The following SRPRA variants were observed in gnomAD, a reference collection of about 807,000 sequenced individuals.
SRPRA encodes SRP receptor subunit alpha, also known as signal recognition particle receptor subunit alpha.
In SRPRA, 30 loss-of-function variants were observed where a neutral mutation model predicts 61.1. The ratio of observed to expected loss-of-function variants is 0.49; its 90% CI spans 0.37 to 0.67. SRPRA has a LOEUF of 0.67. Ranked by LOEUF, SRPRA falls within the 30% of genes least tolerant of loss-of-function variation. The probability of loss-of-function intolerance (pLI) is 0.00; values close to 1 mark genes in which losing one functional copy is unlikely to be tolerated. For synonymous variants in SRPRA, 324 were observed against 299.7 expected, an observed-to-expected ratio of 1.08 and a Z score of -0.84; for missense variants, 759 against 828.4, an observed-to-expected ratio of 0.92 and a Z score of 1.03.
downstream of SRPRA, chr11:126,261,336 A>G (rs1950693348): frequency 7.8e-6 from 8 of 1,022,908 alleles, no homozygotes; most frequent in East Asian, 2.4e-5. Context: ...CAGTCGTACC[A>G]TATGTCCTCA....
the SRPRA span, among the ~76,000 whole-genome samples, chr11:126,243,187 A>G: frequency 6.6e-6 from 1 of 152,248 alleles, no homozygotes; most frequent in African/African-American, 2.4e-5. Flanking sequence ...ATTGCTTGAC[A>G]GGGCTAGAGG....
intron 7 of SRPRA, 49 bp downstream of exon 7, chr11:126,266,138 T>TA: frequency 4.3e-6 from 7 of 1,612,994 alleles, no homozygotes; most frequent in Non-Finnish European, 5.9e-6. Flanking sequence ...AGTTGTATCT[T>TA]ACCAGTTTTG....
the SRPRA span, among the ~76,000 whole-genome samples, chr11:126,244,124 A>G: frequency 6.6e-6 from 1 of 152,056 alleles, no homozygotes; most frequent in Non-Finnish European, 1.5e-5. This position sits in a 1 kb window ranked among gnomAD's most constrained non-coding sequence, Gnocchi z 4.5. Flanking sequence ...TATATGAAAA[A>G]CTCACAGTTA....
At position 126,264,110 on chromosome 11, in the gene SRPRA, G is replaced by A; in HGVS notation, c.1789-66C>T. The A allele has an allele frequency of 3.7e-6, 6 of 1,612,902 alleles. No individual in the cohort carries two copies. The highest frequency in any genetic ancestry group is 5.1e-6 in the Non-Finnish European group (6 of 1,179,230). On this transcript the variant is annotated intron_variant, in intron 13 of 13. Coordinates refer to ENST00000332118, the MANE Select transcript of SRPRA (RefSeq NM_003139.4). This position sits in a 1 kb window ranked among gnomAD's most constrained non-coding sequence, Gnocchi z 5.0. ...TTTTCACTCACCCTCTCAGGAACAG[G>A]AAGCGCTGGAGCCAAGATTTCCTTG...
chr11:126,247,588 G>A, the SRPRA span, among the ~76,000 whole-genome samples: 2 of 152,004 alleles, frequency 1.3e-5, no homozygotes, highest in African/African-American at 2.4e-5. Context: ...TTGCCAGCGC[G>A]GTGGCTCACG....
At chr11:126,262,671 TTA>T (rs1491304126), downstream of SRPRA, 7 of 152,830 alleles carry the variant, frequency 4.6e-5, no homozygotes, top group African/African-American at 1.4e-4. Flanking sequence ...GGCTCTACTT[TTA>T]GAGTCATTGT....
At chr11:126,257,604 C>T in the SRPRA span, among the ~76,000 whole-genome samples, 5 of 105,896 alleles carry the variant, frequency 4.7e-5, no homozygotes, top group Non-Finnish European at 5.7e-5. Flanking sequence ...TAGAATTGTA[C>T]ATTTTTTTTT....
intron 1 of SRPRA, 65 bp downstream of exon 1, chr11:126,268,623 C>T: frequency 7.2e-7 from 1 of 1,396,706 alleles, no homozygotes; most frequent in South Asian, 1.2e-5. Flanking sequence ...GGAATAGAGT[C>T]GAAGGGGACC....
chr11:126,256,995 G>A, the SRPRA span: 2 of 823,176 alleles, frequency 2.4e-6, no homozygotes, highest in Non-Finnish European at 3.8e-6. The surrounding 1 kb of genome is among the most constrained non-coding windows in gnomAD (Gnocchi z 6.6). Context: ...ACAGTCTTCA[G>A]GTTAGACTAA....
the SRPRA span, among the ~76,000 whole-genome samples, chr11:126,255,299 G>C: frequency 6.6e-6 from 1 of 152,094 alleles, no homozygotes; most frequent in African/African-American, 2.4e-5. This position sits in a 1 kb window ranked among gnomAD's most constrained non-coding sequence, Gnocchi z 4.6. Context: ...CTGTTTTCAG[G>C]ACTGGGTCAT....
the SRPRA span, among the ~76,000 whole-genome samples, chr11:126,247,908 T>A: frequency 6.8e-6 from 1 of 146,084 alleles, no homozygotes; most frequent in East Asian, 2.0e-4. Flanking sequence ...TATACGTATA[T>A]CTATATAGAT....
the SRPRA span, among the ~76,000 whole-genome samples, chr11:126,250,967 G>A: frequency 1.3e-5 from 2 of 152,136 alleles, no homozygotes; most frequent in African/African-American, 4.8e-5. This position sits in a 1 kb window ranked among gnomAD's most constrained non-coding sequence, Gnocchi z 5.1. Flanking sequence ...ATTTCATCCA[G>A]TTTTAAAGCA....
chr11:126,266,695 C>T, intron 5 of SRPRA, 66 bp from the exon 6 acceptor site: 2 of 1,608,216 alleles, frequency 1.2e-6, no homozygotes, highest in Non-Finnish European at 1.7e-6. Flanking sequence ...AGCCAGAGAC[C>T]AGAACTCCCT....
At chr11:126,248,836 G>C in the SRPRA span, among the ~76,000 whole-genome samples, 1 of 152,172 alleles carries the variant, frequency 6.6e-6, no homozygotes, top group Admixed American at 6.5e-5. Context: ...ATGAACGTTA[G>C]GGGACCAGTC....
downstream of SRPRA, chr11:126,262,807 G>A (rs1198323535): frequency 2.0e-5 from 3 of 152,562 alleles, no homozygotes; most frequent in Admixed American, 2.0e-4. Flanking sequence ...TTACTTACCT[G>A]ATTCCTCGGA....
At chr11:126,238,969 A>T in the SRPRA span, among the ~76,000 whole-genome samples, 1 of 148,390 alleles carries the variant, frequency 6.7e-6, no homozygotes. Flanking sequence ...TTTAAGTGGA[A>T]GTCTTTTTTT....
rs1591537263 is a variant in SRPRA, at chr11:126,265,147, C to T, written c.1337G>A (p.Gly446Asp). 6.8e-6 allele frequency: 11 copies of T among 1,614,006 alleles called. No homozygotes were observed. Among genetic ancestry groups the T allele is most frequent in the African/African-American group, 2.7e-5 (2 of 74,898 alleles). The change falls in exon 11 of 14, where the codon GGC (glycine) becomes GAC (aspartate). Residue 446 changes from glycine (G) to aspartate (D), a missense_variant. Transcript: ENST00000332118. The surrounding 1 kb of genome is among the most constrained non-coding windows in gnomAD (Gnocchi z 6.3). ...AKISFWLLEN[G>D]FSVLIAACDT... ...ACAGGCAGCAATGAGGACACTGAAG[C>T]CATTCTCTAACAACCAGAAGGAAAT...
At chr11:126,247,242 C>T in the SRPRA span, among the ~76,000 whole-genome samples, 1 of 152,076 alleles carries the variant, frequency 6.6e-6, no homozygotes, top group African/African-American at 2.4e-5. Context: ...CAATGAGCCA[C>T]GTTCATGCCA....
chr11:126,244,778 G>A, the SRPRA span, among the ~76,000 whole-genome samples: 12 of 152,104 alleles, frequency 7.9e-5, no homozygotes, highest in Non-Finnish European at 1.6e-4. This position sits in a 1 kb window ranked among gnomAD's most constrained non-coding sequence, Gnocchi z 4.5. Flanking sequence ...ACTCCAGCCT[G>A]GGCAACAAGA....
Sources: gnomAD v4.1 joint callset for allele counts (sites outside exome capture counted in the v4.1 genomes callset) on GRCh38, gnomAD v4.1.1 for gene constraint, Gnocchi (gnomAD v3.1) non-coding constraint, MANE v1.5 for transcripts, NCBI Gene and HGNC (gene_info 2026-07-23, HGNC 2026-07-21) for gene names.